TSHZ2: variants seen among roughly 807,000 people sequenced by gnomAD.
TSHZ2 encodes the protein teashirt zinc finger homeobox 2, also known as teashirt homolog 2.
TSHZ2 carries 21 observed loss-of-function variants against 74.4 expected under a neutral mutation model. That is an observed-to-expected ratio of 0.28 (90% confidence interval 0.20 to 0.41). The LOEUF (loss-of-function observed/expected upper bound fraction) is 0.41, where lower values mean the gene tolerates loss of function less well. TSHZ2 is among the 10% of genes least tolerant of loss of function. The pLI is 1.00. For synonymous variants in TSHZ2, 540 were observed against 515.3 expected, an observed-to-expected ratio of 1.05 and a Z score of -0.65; for missense variants, 1,244 against 1,293.5, an observed-to-expected ratio of 0.96 and a Z score of 0.59.
chr20:53,444,563 G>A (rs1984477386), intron 2 of TSHZ2, among the ~76,000 whole-genome samples: 1 of 152,202 alleles, frequency 6.6e-6, no homozygotes, highest in Admixed American at 6.5e-5. Context: ...AGTTAATCAC[G>A]AGAGCCCTGT....
chr20:53,078,004 T>C lies in TSHZ2; in HGVS notation c.40+104671T>C, dbSNP rs1011306807. Reference sequence around the variant, plus strand: ...ACCCAAATCCTTACCTTTTAGATGTTTAGAATGTCAACTTCTCCAATTTAC... The same window carrying C: ...ACCCAAATCCTTACCTTTTAGATGTCTAGAATGTCAACTTCTCCAATTTAC... On this transcript the variant is annotated intron_variant, in intron 1 of 2. Transcript: ENST00000371497. 2.0e-5 allele frequency among the ~76,000 whole-genome samples: 3 copies of C among 152,346 alleles called. No homozygotes were observed. In the South Asian group the frequency reaches 6.2e-4, roughly 32 times the overall value.
chr20:53,480,470 A>G (rs1986119909), intron 2 of TSHZ2, among the ~76,000 whole-genome samples: 1 of 151,796 alleles, frequency 6.6e-6, no homozygotes, highest in Non-Finnish European at 1.5e-5. Context: ...AGGCAGCTGA[A>G]TCAGGAGGTT....
chr20:53,330,760 A>G (rs551631010), intron 2 of TSHZ2, among the ~76,000 whole-genome samples: 15 of 152,386 alleles, frequency 9.8e-5, no homozygotes, highest in Admixed American at 9.8e-4. Context: ...GATAAGGTCC[A>G]GAAAGTCTCA....
intron 1 of TSHZ2, among the ~76,000 whole-genome samples, chr20:53,130,320 T>C (rs918842202): frequency 6.6e-6 from 1 of 152,076 alleles, no homozygotes; most frequent in African/African-American, 2.4e-5. Context: ...TATTTGTTGT[T>C]GTTATTTAAA....
At position 53,203,191 on chromosome 20, in the gene TSHZ2, A is replaced by ATT. The variant is rs34078708; in HGVS notation, c.41-50288_41-50287dup. Among the ~76,000 whole-genome samples the ATT allele has an allele frequency of 3.5e-3, 454 of 130,506 alleles. 4 individuals carry two copies. The highest frequency in any genetic ancestry group is 0.021 in the South Asian group (82 of 3,960). 85.6% of individuals were successfully genotyped at this position (130,506 alleles called of 152,430 possible). On this transcript the variant is annotated intron_variant, in intron 1 of 2. Transcript: ENST00000371497. ...GAGAACTGGGTCTGAGCAGACTCAA[A>ATT]TTTTTTTTTTTTTTTTTTTTTGAGA...
chr20:53,427,406 C>T (rs999797873), intron 2 of TSHZ2, among the ~76,000 whole-genome samples: 1 of 152,136 alleles, frequency 6.6e-6, no homozygotes, highest in Non-Finnish European at 1.5e-5. Context: ...TTCCGGGTTG[C>T]ATGCCAGATC....
At chr20:53,229,297 G>A (rs573887433) in intron 1 of TSHZ2, among the ~76,000 whole-genome samples, 21 of 152,200 alleles carry the variant, frequency 1.4e-4, no homozygotes, top group Non-Finnish European at 2.4e-4. Context: ...GGGTCAGTAC[G>A]TCACCTTTGC....
At chr20:53,469,646 A>G (rs1051557321) in intron 2 of TSHZ2, among the ~76,000 whole-genome samples, 33 of 65,096 alleles carry the variant, frequency 5.1e-4, no homozygotes, top group African/African-American at 1.4e-3. Context: ...GGAAGGAAGG[A>G]AGGAAGGAAG....
At chr20:53,321,718 C>A (rs1173443868) in intron 2 of TSHZ2, among the ~76,000 whole-genome samples, 1 of 141,272 alleles carries the variant, frequency 7.1e-6, no homozygotes, top group Non-Finnish European at 1.5e-5. Flanking sequence ...ATTCCTAAGC[C>A]AGCAGATGAC....
At chr20:53,486,956 G>GT (rs781708256) in intron 2 of TSHZ2, among the ~76,000 whole-genome samples, 188 bp from the exon 3 acceptor site, 1 of 152,128 alleles carries the variant, frequency 6.6e-6, no homozygotes, top group Non-Finnish European at 1.5e-5. Flanking sequence ...TATTTAAATA[G>GT]TTTTTTTCTC....
intron 1 of TSHZ2, among the ~76,000 whole-genome samples, chr20:53,227,963 A>G (rs1198907717): frequency 1.3e-5 from 2 of 150,584 alleles, no homozygotes; most frequent in Non-Finnish European, 2.9e-5. Context: ...AACAAAGTTT[A>G]TATCAAATGG....
chr20:53,165,413 C>T (rs921993803), intron 1 of TSHZ2, among the ~76,000 whole-genome samples: 1 of 152,202 alleles, frequency 6.6e-6, no homozygotes, highest in Non-Finnish European at 1.5e-5. Flanking sequence ...CTGTGAAATA[C>T]AGCACCATGC....
At chr20:53,370,299 G>A (rs1480449063) in intron 2 of TSHZ2, among the ~76,000 whole-genome samples, 1 of 152,174 alleles carries the variant, frequency 6.6e-6, no homozygotes, top group African/African-American at 2.4e-5. Context: ...GGGGACCTGG[G>A]GAGCTGCTCT....
chr20:53,136,699 A>G (rs1987253706), intron 1 of TSHZ2, among the ~76,000 whole-genome samples: 1 of 152,192 alleles, frequency 6.6e-6, no homozygotes, highest in African/African-American at 2.4e-5. Context: ...TTCACTCAGT[A>G]GTTTAGATAA....
At chr20:53,456,540 G>A (rs1296506206) in intron 2 of TSHZ2, among the ~76,000 whole-genome samples, 15 of 109,866 alleles carry the variant, frequency 1.4e-4, no homozygotes, top group Admixed American at 1.2e-3. Context: ...TTCTTTTGCT[G>A]TGCAGAAGCT....
At chr20:53,029,873 A>T (rs1983575795) in intron 1 of TSHZ2, among the ~76,000 whole-genome samples, 1 of 152,066 alleles carries the variant, frequency 6.6e-6, no homozygotes, top group African/African-American at 2.4e-5. Flanking sequence ...GATATCTCCC[A>T]ATTTTTTTCA....
intron 1 of TSHZ2, among the ~76,000 whole-genome samples, chr20:53,017,156 C>T (rs549140029): frequency 6.6e-5 from 10 of 152,250 alleles, no homozygotes; most frequent in Non-Finnish European, 1.0e-4. Context: ...GCTTTATGTG[C>T]GGTATCTCAT....
At chr20:53,332,897 T>C (rs974003551) in intron 2 of TSHZ2, among the ~76,000 whole-genome samples, 4 of 152,194 alleles carry the variant, frequency 2.6e-5, no homozygotes, top group South Asian at 2.1e-4. Context: ...CTGCATCTGG[T>C]GCCAGCCCAG....
chr20:53,380,163 T>TGTGTGCGC (rs3971382), intron 2 of TSHZ2, among the ~76,000 whole-genome samples: 31 of 151,056 alleles, frequency 2.1e-4, no homozygotes, highest in African/African-American at 7.6e-4. Context: ...TGTGTGTGTG[T>TGTGTGCGC]GCACACGCAT....
Sources: gnomAD v4.1 joint callset for allele counts (sites outside exome capture counted in the v4.1 genomes callset) on GRCh38, gnomAD v4.1.1 for gene constraint, MANE v1.5 for transcripts, NCBI Gene and HGNC (gene_info 2026-07-23, HGNC 2026-07-21) for gene names.